The following CPLANE1 variants were observed in gnomAD, a reference collection of about 807,000 sequenced individuals.
The protein encoded by CPLANE1 is ciliogenesis and planar polarity effector 1.
In CPLANE1, 263 loss-of-function variants were observed where a neutral mutation model predicts 362.5. The ratio of observed to expected loss-of-function variants is 0.73; its 90% CI spans 0.66 to 0.80. The LOEUF (loss-of-function observed/expected upper bound fraction) is 0.80. CPLANE1 is among the 30% of genes least tolerant of loss of function. CPLANE1 has a pLI of 0.00. For synonymous variants in CPLANE1, 1,212 were observed against 1,302.6 expected (o/e 0.93, Z 1.50); for missense variants, 3,461 against 3,793.4 (o/e 0.91, Z 2.30).
intron 17 of CPLANE1, 52 bp from the exon 18 acceptor site, chr5:37,205,506 A>C (rs1790457906): frequency 7.4e-7 from 1 of 1,343,120 alleles, no homozygotes; most frequent in South Asian, 1.5e-5. Context: ...AAAAAAAAGG[A>C]AAGGTTTCAC....
the CPLANE1 span, among the ~76,000 whole-genome samples, chr5:37,086,299 G>A: frequency 6.6e-6 from 1 of 152,238 alleles, no homozygotes; most frequent in East Asian, 1.9e-4. Flanking sequence ...ATGATTGATA[G>A]GCCACAAAAC....
chr5:37,168,732 T>C (rs760681148), intron 34 of CPLANE1, 59 bp downstream of exon 34: 17 of 1,394,200 alleles, frequency 1.2e-5, no homozygotes, highest in South Asian at 6.6e-5. Flanking sequence ...ACAGTACTTA[T>C]GGTATGAAAA....
the CPLANE1 span, among the ~76,000 whole-genome samples, chr5:37,099,255 A>G: frequency 6.6e-6 from 1 of 152,148 alleles, no homozygotes; most frequent in Non-Finnish European, 1.5e-5. Flanking sequence ...CCCAGCATCC[A>G]TTAGTTATTC....
chr5:37,075,849 A>AAAAG, the CPLANE1 span, among the ~76,000 whole-genome samples: 108 of 152,284 alleles, frequency 7.1e-4, no homozygotes, highest in Non-Finnish European at 1.3e-3. Flanking sequence ...GCAGCCTACC[A>AAAAG]AAAGAAAAAT....
the CPLANE1 span, among the ~76,000 whole-genome samples, chr5:37,098,545 C>G: frequency 6.6e-6 from 1 of 152,102 alleles, no homozygotes; most frequent in South Asian, 2.1e-4. Context: ...CTCCATCTAA[C>G]AGCTACAGAG....
chr5:37,202,980 C>T (rs1789645037), intron 18 of CPLANE1, among the ~76,000 whole-genome samples: 1 of 151,248 alleles, frequency 6.6e-6, no homozygotes, highest in Admixed American at 6.6e-5. Context: ...ATGAATAGCT[C>T]AGATTCATCT....
intron 21 of CPLANE1, among the ~76,000 whole-genome samples, 158 bp downstream of exon 21, chr5:37,195,700 C>CAT (rs755161758): frequency 4.0e-5 from 6 of 151,560 alleles, no homozygotes; most frequent in East Asian, 1.9e-4. Context: ...TCATATATAT[C>CAT]ATATATATAT....
chr5:37,162,296 C>A lies in CPLANE1; in HGVS notation c.7690+169G>T, dbSNP rs6451312. Among the ~76,000 whole-genome samples, 150,763 of 152,342 alleles carry A rather than the reference C, an allele frequency of 0.99. 74,724 individuals are homozygous for A. The highest frequency in any genetic ancestry group is 1 in the Middle Eastern group (294 of 294). ...GTCTATTATGTTTTACTTAAGTTAT[C>A]AATTTGATTTCTACAGTATATACCA... is the stretch of plus-strand genomic sequence containing the variant. On this transcript the variant is annotated intron_variant, in intron 38 of 52. Transcript: ENST00000651892.
At chr5:37,182,735 A>G in intron 26 of CPLANE1, 25 bp downstream of exon 26, 1 of 1,346,442 alleles carries the variant, frequency 7.4e-7, no homozygotes, top group Non-Finnish European at 1.0e-6. Context: ...CTCATTTGTA[A>G]GTAATAAACA....
chr5:37,239,086 G>A, intron 7 of CPLANE1, 126 bp from the exon 8 acceptor site: 2 of 454,274 alleles, frequency 4.4e-6, no homozygotes, highest in East Asian at 3.6e-5. Context: ...TTCCTAACTG[G>A]CAAAGCAATA....
At chr5:37,077,798 T>G in the CPLANE1 span, among the ~76,000 whole-genome samples, 2 of 151,966 alleles carry the variant, frequency 1.3e-5, no homozygotes. Flanking sequence ...ATTTTTTTTG[T>G]AGAGACAGGG....
chr5:37,186,593 T>C (rs558606868), intron 23 of CPLANE1, among the ~76,000 whole-genome samples, 199 bp from the exon 24 acceptor site: 1 of 152,348 alleles, frequency 6.6e-6, no homozygotes, highest in South Asian at 2.1e-4. Flanking sequence ...TTAAAATATG[T>C]AATTGACAAA....
At chr5:37,242,298 G>A (rs1800738647) in intron 6 of CPLANE1, among the ~76,000 whole-genome samples, 1 of 151,654 alleles carries the variant, frequency 6.6e-6, no homozygotes, top group Non-Finnish European at 1.5e-5. Context: ...AGGTTACAGT[G>A]AGCCAAGATT....
the CPLANE1 span, among the ~76,000 whole-genome samples, chr5:37,093,224 C>T: frequency 2.0e-5 from 3 of 152,148 alleles, no homozygotes; most frequent in East Asian, 1.9e-4. Context: ...TGGCCAAAAA[C>T]GTGTCTAATG....
Position 37,183,430 on chromosome 5 carries a change from A to C in CPLANE1, c.4751T>G (p.Leu1584Arg). 6.2e-7 allele frequency: 1 copy of C among 1,613,832 alleles called. No homozygotes were observed. The highest frequency in any genetic ancestry group is 8.5e-7 in the Non-Finnish European group (1 of 1,179,828). ...TAAAGAATTAAGTTCATGTTCTCTA[A>C]GCTTTCCAGAAAAACTAGTTAGAAA... is the stretch of plus-strand genomic sequence containing the variant. ...IPFLTSFSGK[L>R]REHELNSLLF... Residue 1584 changes from leucine to arginine, a missense_variant, in exon 26 of 53, where the codon CTT (leucine) becomes CGT (arginine). Leu to Arg is a moderately radical substitution (Grantham distance 102). This residue lies in a region of CPLANE1 where 3,380 missense variants were observed against 3,666.1 expected (regional missense o/e 0.92). Coordinates refer to ENST00000651892, the MANE Select transcript of CPLANE1 (RefSeq NM_001384732.1).
At chr5:37,111,086 C>T (rs1363223383) in intron 51 of CPLANE1, among the ~76,000 whole-genome samples, 3 of 149,508 alleles carry the variant, frequency 2.0e-5, no homozygotes, top group Non-Finnish European at 3.0e-5. Flanking sequence ...GGATTACAGG[C>T]GTGAGCCACC....
At chr5:37,091,230 G>T in the CPLANE1 span, among the ~76,000 whole-genome samples, 1 of 152,114 alleles carries the variant, frequency 6.6e-6, no homozygotes, top group South Asian at 2.1e-4. Flanking sequence ...GGAAAACTTA[G>T]ATATGTACAT....
In CPLANE1 at chr5:37,108,451, T is replaced by C. The variant is rs941718545; in HGVS notation, c.9421A>G (p.Ser3141Gly). ...CCATGTTTTTTTGTATGCTGCAGAC[T>C]ATGACACGGAGCATTAGAGCCTTTT... ...FQKGSNAPCHSLQHTKKHGSA... is the reference protein window; with the variant it reads ...FQKGSNAPCHGLQHTKKHGSA... The change falls in exon 52 of 53, where the codon AGT becomes GGT. Residue 3141 changes from serine (S) to glycine (G), a missense_variant. Physicochemically the swap from Ser to Gly is moderately conservative, Grantham distance 56. Transcript: ENST00000651892. The C allele has an allele frequency of 2.5e-6, 4 of 1,613,990 alleles. No individual in the cohort carries two copies. Among genetic ancestry groups the C allele is most frequent in the Non-Finnish European group, 3.4e-6 (4 of 1,179,966 alleles).
chr5:37,152,538 A>G (rs1361103833), intron 42 of CPLANE1, among the ~76,000 whole-genome samples: 1 of 152,072 alleles, frequency 6.6e-6, no homozygotes, highest in Non-Finnish European at 1.5e-5. Context: ...GAGACTTCCT[A>G]TTTTATTTAA....
Sources: gnomAD v4.1 joint callset for allele counts (sites outside exome capture counted in the v4.1 genomes callset) on GRCh38, gnomAD v4.1.1 for gene constraint, gnomAD v4.1.1 regional missense constraint, MANE v1.5 for transcripts, NCBI Gene and HGNC (gene_info 2026-07-23, HGNC 2026-07-21) for gene names.